Variants in WDPCP observed in about 807,000 individuals in gnomAD.
WDPCP encodes WD repeat containing planar cell polarity effector, also known as WD repeat-containing and planar cell polarity effector protein fritz homolog.
A neutral mutation model predicts 93.1 loss-of-function variants in WDPCP; 71 were observed. The ratio of observed to expected loss-of-function variants is 0.76; its 90% CI spans 0.63 to 0.93. The LOEUF (loss-of-function observed/expected upper bound fraction) is 0.93. Among genes scored for constraint, WDPCP ranks in the 40% least tolerant of loss-of-function variants. The pLI is 0.00. For missense variants in WDPCP, 844 were observed against 887.4 expected, an observed-to-expected ratio of 0.95 and a Z score of 0.62; for synonymous variants, 315 against 315.0, an observed-to-expected ratio of 1.00 and a Z score of 0.00.
chr2:63,370,467 A>T (rs1361015888), intron 12 of WDPCP, among the ~76,000 whole-genome samples: 1 of 152,182 alleles, frequency 6.6e-6, no homozygotes, highest in Non-Finnish European at 1.5e-5. Context: ...TTGGAATGTC[A>T]TCATAATGGA....
chr2:63,779,851 T>C (rs533956925), intron 2 of WDPCP, among the ~76,000 whole-genome samples: 13 of 152,344 alleles, frequency 8.5e-5, no homozygotes, highest in Middle Eastern at 6.8e-3. Context: ...GAGCAAAGGA[T>C]TTTAAAGCTT....
chr2:63,705,592 A>T (rs1669136971), intron 2 of WDPCP, among the ~76,000 whole-genome samples: 1 of 152,136 alleles, frequency 6.6e-6, no homozygotes, highest in South Asian at 2.1e-4. Flanking sequence ...TTCAGTTTCC[A>T]TGTAGTTGAG....
intron 9 of WDPCP, among the ~76,000 whole-genome samples, chr2:63,415,438 C>T (rs886160542): frequency 2.7e-4 from 41 of 152,084 alleles, no homozygotes; most frequent in Admixed American, 2.6e-3. Context: ...TAGTAGTAAG[C>T]AAGAAAATAG....
At chr2:63,481,727 T>C (rs1215013274) in intron 6 of WDPCP, among the ~76,000 whole-genome samples, 1 of 151,570 alleles carries the variant, frequency 6.6e-6, no homozygotes, top group Non-Finnish European at 1.5e-5. Context: ...CAATGGACTT[T>C]GGGGACTCAC....
At chr2:63,445,163 C>T (rs1458824271) in intron 6 of WDPCP, among the ~76,000 whole-genome samples, 4 of 151,176 alleles carry the variant, frequency 2.6e-5, no homozygotes, top group Non-Finnish European at 5.9e-5. Context: ...AAAAAAAACA[C>T]GTAAGTGCCT....
At chr2:63,132,709 T>G (rs1213398516) in intron 17 of WDPCP, among the ~76,000 whole-genome samples, 2 of 152,082 alleles carry the variant, frequency 1.3e-5, no homozygotes, top group East Asian at 3.8e-4. Flanking sequence ...TAATAATGTC[T>G]ATCTCTGTTG....
intron 2 of WDPCP, among the ~76,000 whole-genome samples, chr2:63,778,064 C>G (rs186182749): frequency 5.0e-4 from 76 of 152,234 alleles, no homozygotes; most frequent in African/African-American, 1.6e-3. Flanking sequence ...ACCCTATTTC[C>G]TTCAACTCCA....
intron 13 of WDPCP, among the ~76,000 whole-genome samples, chr2:63,288,521 T>A (rs1684176936): frequency 6.6e-6 from 1 of 152,224 alleles, no homozygotes; most frequent in African/African-American, 2.4e-5. Flanking sequence ...TTATATTTTT[T>A]AAGTAATCTC....
intron 3 of WDPCP, among the ~76,000 whole-genome samples, chr2:63,632,550 TG>T (rs1324256446): frequency 6.6e-6 from 1 of 152,000 alleles, no homozygotes; most frequent in African/African-American, 2.4e-5. Flanking sequence ...ACAGAAATAC[TG>T]GAGCTGAAGA....
intron 1 of WDPCP, among the ~76,000 whole-genome samples, chr2:63,501,076 T>C (rs1335782697): frequency 6.6e-6 from 1 of 152,206 alleles, no homozygotes; most frequent in Admixed American, 6.5e-5. Context: ...ACATATTTAT[T>C]TGAAAATGAG....
intron 2 of WDPCP, 66 bp from the exon 3 acceptor site, chr2:63,487,560 A>G: frequency 8.4e-7 from 1 of 1,195,296 alleles, no homozygotes; most frequent in South Asian, 1.2e-5. Context: ...AAGCCAAGCC[A>G]TACTATATTA....
intron 12 of WDPCP, among the ~76,000 whole-genome samples, chr2:63,327,682 A>T (rs1687661625): frequency 6.6e-6 from 1 of 152,170 alleles, no homozygotes; most frequent in Admixed American, 6.5e-5. Context: ...CGCCTTTCAA[A>T]CTCGTAAACC....
intron 2 of WDPCP, among the ~76,000 whole-genome samples, chr2:63,674,270 A>T (rs1160575431): frequency 6.6e-6 from 1 of 152,238 alleles, no homozygotes; most frequent in Non-Finnish European, 1.5e-5. Context: ...CAAGATTACT[A>T]TATAGACCTA....
intron 13 of WDPCP, among the ~76,000 whole-genome samples, chr2:63,300,819 T>C (rs370948128): frequency 3.9e-5 from 6 of 152,186 alleles, no homozygotes; most frequent in African/African-American, 1.2e-4. Flanking sequence ...AGAGCACATG[T>C]CATTTCCAGG....
chr2:63,584,866 G>C (rs1337030309), intron 1 of WDPCP, among the ~76,000 whole-genome samples: 3 of 152,052 alleles, frequency 2.0e-5, no homozygotes, highest in African/African-American at 7.2e-5. Flanking sequence ...CTCAAGGTTA[G>C]GTAGCTCATA....
intron 2 of WDPCP, among the ~76,000 whole-genome samples, chr2:63,666,907 G>T (rs1038277769): frequency 2.6e-5 from 4 of 152,060 alleles, no homozygotes; most frequent in African/African-American, 9.7e-5. Context: ...TAGCCCAACA[G>T]ACCCATAAAA....
chr2:63,431,501 C>T (rs1253658614), intron 9 of WDPCP, among the ~76,000 whole-genome samples: 1 of 150,312 alleles, frequency 6.7e-6, no homozygotes, highest in Admixed American at 6.6e-5. Flanking sequence ...GGTTTAAGAG[C>T]ATATTGTATC....
At chr2:63,666,578 C>A (rs2106635073) in intron 2 of WDPCP, among the ~76,000 whole-genome samples, 1 of 152,296 alleles carries the variant, frequency 6.6e-6, no homozygotes, top group African/African-American at 2.4e-5. Context: ...TGTGCCGCTG[C>A]CTTCAGGCTG....
Position 63,433,107 on chromosome 2 carries a change from T to A in WDPCP, c.825+638A>T, listed in dbSNP as rs552148121. ...AGTACAAACTGAAAATACACATAGGTTCACATATATGAATGGATGATCAAA... is the reference window on the plus strand; with the variant it reads ...AGTACAAACTGAAAATACACATAGGATCACATATATGAATGGATGATCAAA... On this transcript the variant is annotated intron_variant, in intron 9 of 17. Transcript: ENST00000272321. Among the ~76,000 whole-genome samples the A allele has an allele frequency of 1.6e-4, 24 of 152,188 alleles. No individual in the cohort carries two copies. The South Asian group carries it at 2.5e-3, about 16-fold the overall frequency.
Sources: gnomAD v4.1 joint callset for allele counts (sites outside exome capture counted in the v4.1 genomes callset) on GRCh38, gnomAD v4.1.1 for gene constraint, MANE v1.5 for transcripts, NCBI Gene and HGNC (gene_info 2026-07-23, HGNC 2026-07-21) for gene names.